Variants in SHISA6 observed in about 807,000 individuals in gnomAD.
SHISA6 encodes the protein protein shisa-6.
In SHISA6, 22 loss-of-function variants were observed where a neutral mutation model predicts 47.9. The observed-to-expected ratio is 0.46, with a 90% CI of 0.33 to 0.66. SHISA6 has a LOEUF of 0.66. SHISA6 is among the 30% of genes least tolerant of loss of function. SHISA6 has a pLI of 0.02. For synonymous variants in SHISA6, 388 were observed against 337.8 expected (o/e 1.15, Z -1.63); for missense variants, 680 against 764.6 (o/e 0.89, Z 1.30).
At chr17:11,322,304 A>G (rs943630586) in intron 2 of SHISA6, among the ~76,000 whole-genome samples, 3 of 152,036 alleles carry the variant, frequency 2.0e-5, no homozygotes, top group African/African-American at 7.2e-5. Flanking sequence ...TATATTTACC[A>G]TTTCCAGGAC....
At chr17:11,318,376 C>T (rs1910593274) in intron 2 of SHISA6, among the ~76,000 whole-genome samples, 1 of 152,194 alleles carries the variant, frequency 6.6e-6, no homozygotes, top group Non-Finnish European at 1.5e-5. Flanking sequence ...GCTCCGACCA[C>T]ACTAGGCCTC....
intron 3 of SHISA6, among the ~76,000 whole-genome samples, chr17:11,513,341 C>T (rs1176652478): frequency 6.6e-6 from 1 of 152,010 alleles, no homozygotes; most frequent in South Asian, 2.1e-4. Flanking sequence ...ACAGGCATTT[C>T]TTTGATCACT....
Position 11,399,120 on chromosome 17 carries a change from A to G in SHISA6, c.895+19611A>G, listed in dbSNP as rs539340541. ...AGACACAGCTAGGAATAACAGTGGTAATTAAGGCTGGGGCTGTCTGATTAT... is the reference window on the plus strand; with the variant it reads ...AGACACAGCTAGGAATAACAGTGGTGATTAAGGCTGGGGCTGTCTGATTAT... On this transcript the variant is annotated intron_variant, in intron 3 of 5. Coordinates refer to ENST00000441885, the MANE Select transcript of SHISA6 (RefSeq NM_207386.4). 3.9e-4 allele frequency among the ~76,000 whole-genome samples: 60 copies of G among 152,174 alleles called. 1 individual carries two copies. The highest frequency in any genetic ancestry group is 7.2e-4 in the Non-Finnish European group (49 of 68,024).
intron 2 of SHISA6, among the ~76,000 whole-genome samples, chr17:11,272,165 C>A (rs546608341): frequency 1.3e-5 from 2 of 152,264 alleles, no homozygotes; most frequent in South Asian, 4.1e-4. Flanking sequence ...AGAAACCCTG[C>A]CACTCCTTCC....
intron 3 of SHISA6, among the ~76,000 whole-genome samples, chr17:11,412,543 T>C (rs960000343): frequency 7.4e-5 from 8 of 107,900 alleles, no homozygotes; most frequent in African/African-American, 2.5e-4. Context: ...CTTAGACTTC[T>C]TCTTTTTTTT....
chr17:11,272,680 C>T (rs952523490), intron 2 of SHISA6, among the ~76,000 whole-genome samples: 1 of 152,166 alleles, frequency 6.6e-6, no homozygotes, highest in African/African-American at 2.4e-5. Context: ...ATCCCTGGCT[C>T]AGAGCCTGGC....
At chr17:11,443,891 C>G (rs754003563) in intron 3 of SHISA6, among the ~76,000 whole-genome samples, 52 of 152,162 alleles carry the variant, frequency 3.4e-4, no homozygotes, top group Non-Finnish European at 4.6e-4. Flanking sequence ...AATATGCTAT[C>G]TGATGTCTCT....
intron 4 of SHISA6, among the ~76,000 whole-genome samples, chr17:11,553,093 T>C (rs1406138755): frequency 1.3e-5 from 2 of 152,130 alleles, no homozygotes; most frequent in Non-Finnish European, 2.9e-5. Flanking sequence ...TCAGTATGTA[T>C]GGGGGATGGA....
At chr17:11,492,386 G>A (rs1597548736) in intron 3 of SHISA6, among the ~76,000 whole-genome samples, 1 of 152,306 alleles carries the variant, frequency 6.6e-6, no homozygotes, top group African/African-American at 2.4e-5. Flanking sequence ...AAGCCTTGGT[G>A]ATTCGGTAGA....
At chr17:11,293,112 A>G (rs893995172) in intron 2 of SHISA6, among the ~76,000 whole-genome samples, 2 of 152,144 alleles carry the variant, frequency 1.3e-5, no homozygotes, top group Non-Finnish European at 2.9e-5. Context: ...GGTGTGAGCC[A>G]CTGCGCCCGG....
At chr17:11,433,905 TA>T (rs1555535144) in intron 3 of SHISA6, among the ~76,000 whole-genome samples, 2 of 151,904 alleles carry the variant, frequency 1.3e-5, no homozygotes, top group Non-Finnish European at 2.9e-5. Flanking sequence ...AAAGGAAAAA[TA>T]GGTAATTTCC....
chr17:11,241,498 G>T lies in SHISA6; in HGVS notation c.76G>T (p.Ala26Ser), dbSNP rs774410317. 3.4e-6 allele frequency: 4 copies of T among 1,160,010 alleles called. No individual in the cohort carries two copies. The South Asian group carries it at 8.9e-5, about 26-fold the overall frequency. 71.9% of individuals were successfully genotyped at this position (1,160,010 alleles called of 1,614,324 possible). A position where few individuals can be genotyped will look rare whatever the true frequency, so the allele number is the denominator to read the frequency against. The change falls in exon 1 of 6, where the codon GCC becomes TCC. Residue 26 changes from alanine (A) to serine (S), a missense_variant. Ala to Ser is a moderately conservative substitution (Grantham distance 99). Transcript: ENST00000441885. The surrounding 1 kb of genome is among the most constrained non-coding windows in gnomAD (Gnocchi z 5.5). ...GGACCTGCTGCCCAGCGTCCACGGAGCCCGCGGCCGCGCCGCCAACCGGAC... is the reference window on the plus strand; with the variant it reads ...GGACCTGCTGCCCAGCGTCCACGGATCCCGCGGCCGCGCCGCCAACCGGAC... ...SLDLLPSVHG[A>S]RGRAANRTLS...
At chr17:11,286,298 T>A (rs1319297473) in intron 2 of SHISA6, among the ~76,000 whole-genome samples, 1 of 152,174 alleles carries the variant, frequency 6.6e-6, no homozygotes, top group Non-Finnish European at 1.5e-5. Context: ...AGGGCACACA[T>A]CCACATATCC....
chr17:11,392,432 G>T (rs1464900428), intron 3 of SHISA6, among the ~76,000 whole-genome samples: 1 of 152,168 alleles, frequency 6.6e-6, no homozygotes, highest in Non-Finnish European at 1.5e-5. Flanking sequence ...TCCCATCGGG[G>T]TGAGTTCTTT....
intron 2 of SHISA6, among the ~76,000 whole-genome samples, chr17:11,350,166 A>ATTT (rs1567581064): frequency 3.6e-5 from 4 of 110,912 alleles, no homozygotes; most frequent in African/African-American, 1.1e-4. Flanking sequence ...TAATTTATTT[A>ATTT]TTTATTTATT....
At chr17:11,297,416 G>A (rs926645781) in intron 2 of SHISA6, among the ~76,000 whole-genome samples, 6 of 152,120 alleles carry the variant, frequency 3.9e-5, no homozygotes, top group African/African-American at 9.7e-5. Flanking sequence ...GGTTGTTCAC[G>A]AAGTTGGCCC....
chr17:11,502,281 C>T (rs1412499067), intron 3 of SHISA6, among the ~76,000 whole-genome samples: 1 of 151,312 alleles, frequency 6.6e-6, no homozygotes, highest in African/African-American at 2.4e-5. Flanking sequence ...TGGTAGCGGG[C>T]GCCTGTAGTC....
At chr17:11,326,404 C>A (rs918604114) in intron 2 of SHISA6, among the ~76,000 whole-genome samples, 1 of 152,160 alleles carries the variant, frequency 6.6e-6, no homozygotes, top group African/African-American at 2.4e-5. Context: ...ACTCAGAACC[C>A]TGTGTGCATT....
intron 4 of SHISA6, among the ~76,000 whole-genome samples, chr17:11,554,261 G>C (rs2071955890): frequency 6.6e-6 from 1 of 152,138 alleles, no homozygotes; most frequent in African/African-American, 2.4e-5. Context: ...TGCCAAGGAG[G>C]CTCTTTCTGT....
Sources: allele counts gnomAD v4.1 joint callset (sites outside exome capture counted in the v4.1 genomes callset), GRCh38; gene constraint gnomAD v4.1.1; non-coding constraint Gnocchi (gnomAD v3.1); transcripts MANE v1.5; gene names NCBI Gene and HGNC (gene_info 2026-07-23, HGNC 2026-07-21).